ZNF317: variants seen among roughly 807,000 people sequenced by gnomAD.
The protein encoded by ZNF317 is zinc finger protein 317, also known as KRAB-containing zinc finger protein 317.
Under a neutral mutation model 23.4 loss-of-function variants are expected in ZNF317, and 17 were observed. That is an observed-to-expected ratio of 0.73 (90% confidence interval 0.50 to 1.09). ZNF317 has a LOEUF of 1.09. ZNF317 is among the 50% of genes least tolerant of loss of function. The pLI, the probability that ZNF317 is intolerant of heterozygous loss-of-function variation, is 0.00. For missense variants in ZNF317, 679 were observed against 796.7 expected (o/e 0.85, Z 1.78); for synonymous variants, 317 against 314.9 (o/e 1.01, Z -0.07).
rs2050855237 is a variant in ZNF317, at chr19:9,161,392, G to C, written c.1747G>C (p.Glu583Gln). The C allele has an allele frequency of 6.2e-7, 1 of 1,613,878 alleles. No individual in the cohort carries two copies. Among genetic ancestry groups the C allele is most frequent in the South Asian group, 1.1e-5 (1 of 91,082 alleles). ...GAGCCACGTGAAAACTCACCGGGGA[G>C]AGAAGCTCTTTGTGTCATCCGTGTG... ...LRSHVKTHRG[E>Q]KLFVSSVWKR... Residue 583 changes from glutamate (E) to glutamine (Q), a missense_variant, in exon 7 of 7, where the codon GAG becomes CAG. Coordinates refer to ENST00000247956, the MANE Select transcript of ZNF317 (RefSeq NM_020933.5). This position sits in a 1 kb window ranked among gnomAD's most constrained non-coding sequence, Gnocchi z 4.0.
intron 5 of ZNF317, 115 bp downstream of exon 5, chr19:9,158,190 C>G: frequency 7.6e-7 from 1 of 1,312,060 alleles, no homozygotes; most frequent in Non-Finnish European, 1.0e-6. Flanking sequence ...TGCTCCTTCC[C>G]TCTTTTTGCC....
chr19:9,149,775 C>T (rs529293414), intron 1 of ZNF317, among the ~76,000 whole-genome samples: 1 of 152,054 alleles, frequency 6.6e-6, no homozygotes, highest in Non-Finnish European at 1.5e-5. Context: ...AACAGAGGAG[C>T]GGTGTGATCT....
chr19:9,161,531 A>G lies in ZNF317; in HGVS notation c.*98A>G, dbSNP rs1322934152. 3.4e-6 allele frequency: 5 copies of G among 1,489,114 alleles called. No homozygotes were observed. The East Asian group carries it at 6.8e-5, about 20-fold the overall frequency. The allele number at this position is 1,489,114 out of a possible 1,614,324, so 92.2% of individuals were successfully genotyped here. ...TGAGCTCGCACCTTACTGGGTGCAA[A>G]AGAATCCACGGAACTTGGGAGAAGT... On this transcript the variant is annotated 3_prime_UTR_variant, in exon 7 of 7. Transcript: ENST00000247956. This position sits in a 1 kb window ranked among gnomAD's most constrained non-coding sequence, Gnocchi z 4.0.
rs750153589 is a variant in ZNF317, at chr19:9,161,241, C to T, written c.1596C>T (p.Cys532=). The T allele has an allele frequency of 5.0e-6, 8 of 1,614,136 alleles. No homozygotes were observed. The highest frequency in any genetic ancestry group is 6.8e-6 in the Non-Finnish European group (8 of 1,180,032). The change falls in exon 7 of 7, where the codon TGC becomes TGT. Residue 532 remains cysteine, a synonymous_variant. Coordinates refer to ENST00000247956, the MANE Select transcript of ZNF317 (RefSeq NM_020933.5). The surrounding 1 kb of genome is among the most constrained non-coding windows in gnomAD (Gnocchi z 4.0). ...ACACGGGGGAGAAACCGTACGAATG[C>T]GATCACTGTGGGAAGGCCTTCAGCA... ...RSHTGEKPYE[C]DHCGKAFSIG...
Position 9,158,085 on chromosome 19 carries a change from C to T in ZNF317, c.385+10C>T, listed in dbSNP as rs1469331938. Reference sequence around the variant, plus strand: ...CAGGGCGCTTGTGCAGGTGAGCGAGCCCCAGGCAAAGAGCGGTGCTGTGAC... The same window carrying T: ...CAGGGCGCTTGTGCAGGTGAGCGAGTCCCAGGCAAAGAGCGGTGCTGTGAC... On this transcript the variant is annotated intron_variant, in intron 5 of 6. Coordinates refer to ENST00000247956, the MANE Select transcript of ZNF317 (RefSeq NM_020933.5). The T allele has an allele frequency of 6.5e-6, 10 of 1,548,222 alleles. No homozygotes were observed. The highest frequency in any genetic ancestry group is 8.7e-7 in the Non-Finnish European group (1 of 1,145,750).
chr19:9,152,649 AAC>A (rs879743787), intron 1 of ZNF317, among the ~76,000 whole-genome samples: 6 of 152,350 alleles, frequency 3.9e-5, no homozygotes, highest in Admixed American at 3.3e-4. Flanking sequence ...GTTTCAGGAA[AAC>A]ACTCTCAGGG....
At chr19:9,157,890 A>G in intron 4 of ZNF317, 90 bp from the exon 5 acceptor site, 1 of 1,451,554 alleles carries the variant, frequency 6.9e-7, no homozygotes, top group Non-Finnish European at 9.1e-7. Context: ...CCCTCAGAAC[A>G]CTGAAGACCC....
intron 3 of ZNF317, 22 bp from the exon 4 acceptor site, chr19:9,157,246 C>G (rs779972839): frequency 6.2e-7 from 1 of 1,612,746 alleles, no homozygotes; most frequent in Non-Finnish European, 8.5e-7. Context: ...CTCGCTGACC[C>G]CAAGTTTGTG....
chr19:9,140,623 C>A (rs1457761033), intron 1 of ZNF317, 31 bp downstream of exon 1: 5 of 455,362 alleles, frequency 1.1e-5, no homozygotes, highest in African/African-American at 1.0e-4. Context: ...CCCTTCTCCC[C>A]CTCAGTTCCA....
At position 9,146,863 on chromosome 19, in the gene ZNF317, T is replaced by C. The variant is rs151197039; in HGVS notation, c.-93+6271T>C. Among the ~76,000 whole-genome samples, 1,024 of 152,324 alleles carry C rather than the reference T, an allele frequency of 6.7e-3. 11 individuals carry two copies. Among genetic ancestry groups the C allele is most frequent in the African/African-American group, 0.023 (953 of 41,566 alleles). The stretch of plus-strand genomic sequence containing the variant: ...TTCTGAATATCCTGGGATACTGTGA[T>C]TAAGTTGAATATGGGGATAAAATCA... On this transcript the variant is annotated intron_variant, in intron 1 of 6. Coordinates refer to ENST00000247956, the MANE Select transcript of ZNF317 (RefSeq NM_020933.5).
At chr19:9,150,979 G>A (rs748110611) in intron 1 of ZNF317, among the ~76,000 whole-genome samples, 4 of 152,122 alleles carry the variant, frequency 2.6e-5, no homozygotes, top group Non-Finnish European at 5.9e-5. Flanking sequence ...AAATAGGAGT[G>A]GCCCTGGAAA....
At chr19:9,159,240 G>A (rs2050820646) in intron 6 of ZNF317, among the ~76,000 whole-genome samples, 1 of 152,186 alleles carries the variant, frequency 6.6e-6, no homozygotes, top group Non-Finnish European at 1.5e-5. Flanking sequence ...GGGGCAGACA[G>A]TCTTGCTCTT....
chr19:9,141,271 T>C (rs1367220793), intron 1 of ZNF317, among the ~76,000 whole-genome samples: 2 of 152,122 alleles, frequency 1.3e-5, no homozygotes, highest in African/African-American at 4.8e-5. Flanking sequence ...AAAAAAAGTA[T>C]GATTACACAC....
intron 1 of ZNF317, 116 bp downstream of exon 1, chr19:9,140,708 A>C (rs1326300675): frequency 2.6e-6 from 1 of 377,534 alleles, no homozygotes; most frequent in Non-Finnish European, 5.2e-6. Flanking sequence ...CTAGGCATCC[A>C]GACGAGGGGT....
rs1555713737 is a variant in ZNF317 at position 9,153,148 on chromosome 19, T to TTTG, written c.-92-2775_-92-2774insGTT. Reference sequence around the variant, plus strand: ...AGGTTTAGTGTGTCAAGGTAGTTGTTTTTGTTTGTTTGTTTGTTTGTTTGT... The same window carrying TTTG: ...AGGTTTAGTGTGTCAAGGTAGTTGTTTTGTTTGTTTGTTTGTTTGTTTGTTTGT... On this transcript the variant is annotated intron_variant, in intron 1 of 6. Coordinates refer to ENST00000247956, the MANE Select transcript of ZNF317 (RefSeq NM_020933.5). Among the ~76,000 whole-genome samples, 856 of 144,106 alleles carry TTTG rather than the reference T, an allele frequency of 5.9e-3. 5 individuals carry two copies. The highest frequency in any genetic ancestry group is 0.02 in the African/African-American group (807 of 40,146). The allele number at this position is 144,106 out of a possible 152,430, so 94.5% of individuals were successfully genotyped here. A position where few individuals can be genotyped will look rare whatever the true frequency, so the allele number is the denominator to read the frequency against.
chr19:9,155,750 C>A (rs79914735), intron 1 of ZNF317, among the ~76,000 whole-genome samples, 175 bp from the exon 2 acceptor site: 10,150 of 152,254 alleles, frequency 0.067, 354 homozygotes, highest in Middle Eastern at 0.13. Flanking sequence ...GCTGTCCCCC[C>A]ACCACATCAC....
In ZNF317 at chr19:9,147,337, T is replaced by G. The variant is rs963520018; in HGVS notation, c.-93+6745T>G. On this transcript the variant is annotated intron_variant, in intron 1 of 6. Coordinates refer to ENST00000247956, the MANE Select transcript of ZNF317 (RefSeq NM_020933.5). ...AGCATTCCAATGACACTGGTTTTTT[T>G]TTTTTTTTTTTTTTTTTTTTGAGAT... 2.1e-4 allele frequency among the ~76,000 whole-genome samples: 11 copies of G among 52,876 alleles called. No individual in the cohort carries two copies. In the South Asian group the frequency reaches 3.1e-3, roughly 15 times the overall value. 34.7% of individuals were successfully genotyped at this position (52,876 alleles called of 152,430 possible).
rs1221923791 is a variant in ZNF317, at chr19:9,161,268, A to C, written c.1623A>C (p.Ile541=). Residue 541 remains isoleucine, a synonymous_variant, in exon 7 of 7, where the codon ATA becomes ATC. Coordinates refer to ENST00000247956, the MANE Select transcript of ZNF317 (RefSeq NM_020933.5). The surrounding 1 kb of genome is among the most constrained non-coding windows in gnomAD (Gnocchi z 4.0). ...ECDHCGKAFS[I]GSNLNVHRRI... is the part of the protein sequence containing the mutation. ...ATCACTGTGGGAAGGCCTTCAGCAT[A>C]GGCTCCAACCTGAATGTGCACAGGC... 6.2e-7 allele frequency: 1 copy of C among 1,613,584 alleles called. No homozygotes were observed. Among genetic ancestry groups the C allele is most frequent in the East Asian group, 2.2e-5 (1 of 44,834 alleles).
chr19:9,163,316 G>A lies in ZNF317; in HGVS notation c.*1883G>A, dbSNP rs927777665. The A allele has an allele frequency of 1.3e-5, 2 of 152,244 alleles. No homozygotes were observed. The highest frequency in any genetic ancestry group is 4.8e-5 in the African/African-American group (2 of 41,460). 9.4% of individuals were successfully genotyped at this position (152,244 alleles called of 1,614,324 possible). The stretch of plus-strand genomic sequence containing the variant: ...ACTGCAGAAAGCTCACAGCGACCCT[G>A]GCCTCCCCTGTGGCCTCTTTGAGTG... On this transcript the variant is annotated 3_prime_UTR_variant, in exon 7 of 7. Transcript: ENST00000247956.
Sources: allele counts gnomAD v4.1 joint callset (sites outside exome capture counted in the v4.1 genomes callset), GRCh38; gene constraint gnomAD v4.1.1; non-coding constraint Gnocchi (gnomAD v3.1); transcripts MANE v1.5; gene names NCBI Gene and HGNC (gene_info 2026-07-23, HGNC 2026-07-21).